The following CREBBP variants were observed in gnomAD, a reference collection of about 807,000 sequenced individuals.
The protein encoded by CREBBP is CREB binding lysine acetyltransferase, also known as CREB-binding protein.
A neutral mutation model predicts 265.0 loss-of-function variants in CREBBP; 19 were observed. That is an observed-to-expected ratio of 0.07 (90% CI 0.05 to 0.11). The LOEUF is 0.11. Among genes scored for constraint, CREBBP ranks in the 10% least tolerant of loss-of-function variants. CREBBP has a pLI of 1.00. For synonymous variants in CREBBP, 1,457 were observed against 1,223.7 expected, an observed-to-expected ratio of 1.19 and a Z score of -3.98; for missense variants, 2,525 against 3,219.0, an observed-to-expected ratio of 0.78 and a Z score of 5.22.
chr16:3,859,710 T>A (rs1422252431), intron 1 of CREBBP, among the ~76,000 whole-genome samples: 1 of 152,088 alleles, frequency 6.6e-6, no homozygotes, highest in East Asian at 1.9e-4. Flanking sequence ...TAATGAAGCC[T>A]CCATAAAAAC....
chr16:3,775,367 T>C (rs2053112557), intron 11 of CREBBP, among the ~76,000 whole-genome samples: 1 of 152,248 alleles, frequency 6.6e-6, no homozygotes, highest in Non-Finnish European at 1.5e-5. Flanking sequence ...GTCTCCAGAC[T>C]GCGGTGTCTA....
chr16:3,819,382 A>G (rs536471033), intron 2 of CREBBP, among the ~76,000 whole-genome samples: 3 of 152,244 alleles, frequency 2.0e-5, no homozygotes, highest in Non-Finnish European at 4.4e-5. Flanking sequence ...CAGCTGCGAC[A>G]GTGAGTACTA....
chr16:3,877,584 A>T (rs151008297), intron 1 of CREBBP, among the ~76,000 whole-genome samples: 1 of 152,290 alleles, frequency 6.6e-6, no homozygotes, highest in African/African-American at 2.4e-5. Flanking sequence ...TTGTATTTTG[A>T]GTACAGATGG....
rs192075474 is a variant in CREBBP at position 3,740,604 on chromosome 16, T to G, written c.3983-55A>C. On this transcript the variant is annotated intron_variant, in intron 23 of 30. Coordinates refer to ENST00000262367, the MANE Select transcript of CREBBP (RefSeq NM_004380.3). ...GGCTTCAACAGCACTGCTGAGACAG[T>G]GACTGAGACTAGAGAATCCACCCCA... The G allele has an allele frequency of 2.2e-5, 35 of 1,601,816 alleles. No individual in the cohort carries two copies. In the East Asian group the frequency reaches 7.1e-4, roughly 33 times the overall value.
chr16:3,729,403 G>C lies in CREBBP; in HGVS notation c.5644C>G (p.Leu1882Val), dbSNP rs1417714398. 6.2e-7 allele frequency: 1 copy of C among 1,612,704 alleles called. No individual in the cohort carries two copies. The highest frequency in any genetic ancestry group is 8.5e-7 in the Non-Finnish European group (1 of 1,179,936). ...GGCGGTGCTGAGGTAGGAGAAGGCAGACTCTGCTGAGGCACGTTGCGGGTG... is the reference window on the plus strand; with the variant it reads ...GGCGGTGCTGAGGTAGGAGAAGGCACACTCTGCTGAGGCACGTTGCGGGTG... ...MNTRNVPQQS[L>V]PSPTSAPPGT... Residue 1882 changes from leucine to valine, a missense_variant, in exon 31 of 31, where the codon CTG becomes GTG. By Grantham distance (32) the Leu-to-Val change is conservative (BLOSUM62 1). This residue lies in a region of CREBBP where 53 missense variants were observed against 146.3 expected (regional missense o/e 0.36). Transcript: ENST00000262367.
intron 19 of CREBBP, among the ~76,000 whole-genome samples, chr16:3,756,708 T>A (rs555657794): frequency 6.6e-6 from 1 of 152,326 alleles, no homozygotes; most frequent in Admixed American, 6.5e-5. Flanking sequence ...GCAGCACTCA[T>A]GCAAGTCTTT....
At chr16:3,845,301 T>A (rs1364759575) in intron 2 of CREBBP, among the ~76,000 whole-genome samples, 1 of 152,150 alleles carries the variant, frequency 6.6e-6, no homozygotes, top group Non-Finnish European at 1.5e-5. Context: ...GTGTGAGAAA[T>A]AACTAGTGAG....
At chr16:3,759,044 G>A (rs2052649678) in intron 16 of CREBBP, 72 bp from the exon 17 acceptor site, 10 of 1,207,860 alleles carry the variant, frequency 8.3e-6, no homozygotes, top group East Asian at 2.3e-5. Context: ...CATTTAAAAC[G>A]GAATCCTGGC....
intron 2 of CREBBP, among the ~76,000 whole-genome samples, chr16:3,813,461 G>A (rs920867178): frequency 2.0e-5 from 3 of 152,172 alleles, no homozygotes; most frequent in Admixed American, 2.0e-4. Context: ...TATATTTTCA[G>A]AAACCACTAT....
intron 6 of CREBBP, among the ~76,000 whole-genome samples, chr16:3,782,300 C>G (rs188005200): frequency 2.7e-4 from 41 of 152,232 alleles, no homozygotes; most frequent in Admixed American, 1.6e-3. Context: ...GAGGGGTAGA[C>G]CCTAACCAAG....
At chr16:3,810,288 G>A (rs747342606) in intron 3 of CREBBP, among the ~76,000 whole-genome samples, 8 of 152,216 alleles carry the variant, frequency 5.3e-5, no homozygotes, top group African/African-American at 9.6e-5. Context: ...AACAGGAAGT[G>A]TAAGAAAAGC....
At position 3,765,119 on chromosome 16, in the gene CREBBP, G is replaced by A. The variant is rs554582268; in HGVS notation, c.3250+2601C>T. 1.6e-4 allele frequency among the ~76,000 whole-genome samples: 24 copies of A among 152,132 alleles called. No individual in the cohort carries two copies. In the East Asian group the frequency reaches 3.9e-3, roughly 24 times the overall value. ...CTCCCGAGCAGCTGGGACTACAGGC[G>A]CCCGCCACCACGCCCGCATAATTTT... On this transcript the variant is annotated intron_variant, in intron 16 of 30. Transcript: ENST00000262367.
At chr16:3,737,821 C>A (rs2052105586) in intron 26 of CREBBP, among the ~76,000 whole-genome samples, 1 of 150,444 alleles carries the variant, frequency 6.6e-6, no homozygotes, top group Non-Finnish European at 1.5e-5. Context: ...GAGTCTTGCT[C>A]TGTCGCCCAG....
At chr16:3,735,397 A>G (rs1466702412) in intron 28 of CREBBP, among the ~76,000 whole-genome samples, 2 of 152,072 alleles carry the variant, frequency 1.3e-5, no homozygotes, top group African/African-American at 2.4e-5. Context: ...CCCGGGTTCA[A>G]GCGATTCTCC....
intron 28 of CREBBP, among the ~76,000 whole-genome samples, chr16:3,735,223 C>A (rs1402551875): frequency 6.6e-6 from 1 of 152,202 alleles, no homozygotes; most frequent in Non-Finnish European, 1.5e-5. Flanking sequence ...ACGCTCAGAG[C>A]ACACCATGCT....
intron 2 of CREBBP, among the ~76,000 whole-genome samples, chr16:3,819,382 A>C (rs536471033): frequency 6.6e-6 from 1 of 152,362 alleles, no homozygotes; most frequent in South Asian, 2.1e-4. Context: ...CAGCTGCGAC[A>C]GTGAGTACTA....
chr16:3,744,027 G>C (rs974471811), intron 23 of CREBBP, among the ~76,000 whole-genome samples: 2 of 152,106 alleles, frequency 1.3e-5, no homozygotes, highest in Non-Finnish European at 2.9e-5. Context: ...AGTGAGCTGA[G>C]ATTGCACCAC....
chr16:3,766,637 C>T (rs377328647), intron 16 of CREBBP, among the ~76,000 whole-genome samples: 60 of 152,078 alleles, frequency 3.9e-4, no homozygotes, highest in African/African-American at 1.2e-3. Flanking sequence ...GCAATCCTGC[C>T]GCTTCCGCTT....
intron 2 of CREBBP, among the ~76,000 whole-genome samples, chr16:3,829,634 CTAAGT>C (rs1430593660): frequency 7.2e-5 from 11 of 152,162 alleles, no homozygotes; most frequent in Non-Finnish European, 1.6e-4. Context: ...AAGACCTGCC[CTAAGT>C]TAAGTTTAAA....
Sources: gnomAD v4.1 joint callset for allele counts (sites outside exome capture counted in the v4.1 genomes callset) on GRCh38, gnomAD v4.1.1 for gene constraint, gnomAD v4.1.1 regional missense constraint, MANE v1.5 for transcripts, NCBI Gene and HGNC (gene_info 2026-07-23, HGNC 2026-07-21) for gene names.